Variants in HABP2 observed in about 807,000 individuals in gnomAD.
HABP2 encodes the protein hyaluronan binding protein 2.
Under a neutral mutation model 66.5 loss-of-function variants are expected in HABP2, and 65 were observed. The observed-to-expected ratio is 0.98, with a 90% CI of 0.80 to 1.20. The LOEUF (loss-of-function observed/expected upper bound fraction) is 1.20. HABP2 is among the 50% of genes most tolerant of loss of function. The pLI is 0.00. For missense variants in HABP2, 786 were observed against 691.0 expected (o/e 1.14, Z -1.54); for synonymous variants, 263 against 253.9 (o/e 1.04, Z -0.34).
At chr10:113,556,371 A>T (rs1233863139) in intron 1 of HABP2, among the ~76,000 whole-genome samples, 1 of 152,168 alleles carries the variant, frequency 6.6e-6, no homozygotes, top group African/African-American at 2.4e-5. Flanking sequence ...CATTGGGTTC[A>T]CATTCTTGGC....
intron 1 of HABP2, among the ~76,000 whole-genome samples, chr10:113,561,937 C>T (rs952105911): frequency 2.6e-5 from 4 of 152,186 alleles, no homozygotes; most frequent in Non-Finnish European, 5.9e-5. Context: ...CTCAGAGACT[C>T]GGGATCCTTT....
At chr10:113,564,842 A>ATC (rs1491300684) in intron 1 of HABP2, among the ~76,000 whole-genome samples, 1 of 139,640 alleles carries the variant, frequency 7.2e-6, no homozygotes, top group East Asian at 2.2e-4. Flanking sequence ...CTCACCACGC[A>ATC]TCTCTCTCTT....
At chr10:113,566,564 A>G (rs1845202116) in intron 1 of HABP2, among the ~76,000 whole-genome samples, 1 of 152,206 alleles carries the variant, frequency 6.6e-6, no homozygotes. Context: ...AAACAGACAA[A>G]ATCCCTGCCT....
In HABP2 at chr10:113,589,178, T is replaced by G; in HGVS notation, c.*809T>G. The G allele has an allele frequency of 1.1e-6, 1 of 916,594 alleles. No homozygotes were observed. The highest frequency in any genetic ancestry group is 1.6e-5 in the South Asian group (1 of 64,358). The allele number at this position is 916,594 out of a possible 1,614,324, so 56.8% of individuals were successfully genotyped here. ...ACACGCTAAGAAGCACAGGGAGCAT[T>G]TAACAGGCTCACCCTCCCTTTCCTT... is the stretch of plus-strand genomic sequence containing the variant. On this transcript the variant is annotated 3_prime_UTR_variant, in exon 13 of 13. Transcript: ENST00000351270.
rs1845576573 is a variant in HABP2 at position 113,583,375 on chromosome 10, T to C, written c.1237+17T>C. Reference sequence around the variant, plus strand: ...ATGATATTGGCAAGTTCCTCTTTCATGGCTTTCCTGAGGGTCTTGTCCTGG... The same window carrying C: ...ATGATATTGGCAAGTTCCTCTTTCACGGCTTTCCTGAGGGTCTTGTCCTGG... On this transcript the variant is annotated intron_variant, in intron 10 of 12. Coordinates refer to ENST00000351270, the MANE Select transcript of HABP2 (RefSeq NM_004132.5). 1.9e-6 allele frequency: 3 copies of C among 1,610,314 alleles called. No individual in the cohort carries two copies. Among genetic ancestry groups the C allele is most frequent in the African/African-American group, 1.3e-5 (1 of 74,886 alleles).
chr10:113,584,640 C>G (rs1184079637), intron 11 of HABP2, among the ~76,000 whole-genome samples: 6 of 152,188 alleles, frequency 3.9e-5, no homozygotes, highest in Admixed American at 2.6e-4. Context: ...GACTTTGTCA[C>G]TTGAACAACT....
intron 1 of HABP2, among the ~76,000 whole-genome samples, chr10:113,558,190 C>T (rs911879105): frequency 3.3e-5 from 5 of 152,216 alleles, no homozygotes; most frequent in Non-Finnish European, 7.3e-5. Flanking sequence ...TTTCCGACAC[C>T]ACAAGGATCG....
intron 12 of HABP2, 61 bp downstream of exon 12, chr10:113,585,999 A>AGCCCT: frequency 3.4e-6 from 5 of 1,471,262 alleles, no homozygotes; most frequent in Non-Finnish European, 3.8e-6. Context: ...CACTAGGCAG[A>AGCCCT]GGACCCTTAG....
chr10:113,567,712 T>C (rs1324240645), intron 2 of HABP2, among the ~76,000 whole-genome samples, 187 bp downstream of exon 2: 1 of 152,088 alleles, frequency 6.6e-6, no homozygotes, highest in African/African-American at 2.4e-5. Context: ...CAATTTTGAG[T>C]TTCCTGTGGA....
Position 113,575,971 on chromosome 10 carries a change from C to A in HABP2, c.298C>A (p.Leu100Met). 1 of 1,608,540 alleles carries A rather than the reference C, an allele frequency of 6.2e-7. No homozygotes were observed. Among genetic ancestry groups the A allele is most frequent in the Non-Finnish European group, 8.5e-7 (1 of 1,174,882 alleles). ...VHGSTFTCSCLAPFSGNKCQK... is the reference protein window; with the variant it reads ...VHGSTFTCSCMAPFSGNKCQK... Reference sequence around the variant, plus strand: ...TGGGAGCACCTTCACATGCAGCTGCCTGGCTCCTTTCTCTGGGAATAAGTG... The same window carrying A: ...TGGGAGCACCTTCACATGCAGCTGCATGGCTCCTTTCTCTGGGAATAAGTG... The change falls in exon 4 of 13, where the codon CTG becomes ATG. Residue 100 changes from leucine to methionine, a missense_variant. Coordinates refer to ENST00000351270, the MANE Select transcript of HABP2 (RefSeq NM_004132.5).
At chr10:113,574,205 G>A (rs1340610148) in intron 2 of HABP2, 84 bp from the exon 3 acceptor site, 1 of 736,832 alleles carries the variant, frequency 1.4e-6, no homozygotes, top group Non-Finnish European at 2.4e-6. Flanking sequence ...AATTCTTTGG[G>A]GAAAAGGTGT....
At chr10:113,576,657 C>G (rs750075371) in intron 4 of HABP2, among the ~76,000 whole-genome samples, 1 of 152,048 alleles carries the variant, frequency 6.6e-6, no homozygotes, top group Non-Finnish European at 1.5e-5. Flanking sequence ...GAAGTGGGGC[C>G]TTAGGTATAT....
In HABP2 at chr10:113,588,890, G is replaced by C; in HGVS notation, c.*521G>C. On this transcript the variant is annotated 3_prime_UTR_variant, in exon 13 of 13. Transcript: ENST00000351270. ...TGGGATGGGCTGGTGGGCCATTCCA[G>C]CTTGCCGAAATCAAAGCCATCTGAA... is the stretch of plus-strand genomic sequence containing the variant. 1 of 1,008,240 alleles carries C rather than the reference G, an allele frequency of 9.9e-7. No homozygotes were observed. Among genetic ancestry groups the C allele is most frequent in the South Asian group, 1.4e-5 (1 of 71,766 alleles). 62.5% of individuals were successfully genotyped at this position (1,008,240 alleles called of 1,614,324 possible).
At chr10:113,575,487 C>T (rs1051184618) in intron 3 of HABP2, among the ~76,000 whole-genome samples, 13 of 152,186 alleles carry the variant, frequency 8.5e-5, no homozygotes, top group African/African-American at 1.7e-4. Context: ...CTCCTGACCT[C>T]CACCCCTGGG....
At chr10:113,570,659 A>G (rs982862723) in intron 2 of HABP2, among the ~76,000 whole-genome samples, 1 of 152,228 alleles carries the variant, frequency 6.6e-6, no homozygotes. Flanking sequence ...TTTCTTTGCC[A>G]AGTACATTTG....
intron 7 of HABP2, among the ~76,000 whole-genome samples, chr10:113,579,519 G>C (rs1406066878): frequency 2.6e-5 from 4 of 152,346 alleles, no homozygotes; most frequent in African/African-American, 9.6e-5. Flanking sequence ...GCAAGTGGAA[G>C]GTCTGTTGAA....
At chr10:113,552,042 G>A (rs1248499973), upstream of HABP2, among the ~76,000 whole-genome samples, 4 of 152,144 alleles carry the variant, frequency 2.6e-5, no homozygotes, top group South Asian at 2.1e-4. Context: ...TGGTGACTGG[G>A]GCATTCTTTT....
At chr10:113,572,737 C>T (rs1461895382) in intron 2 of HABP2, 1 of 452,780 alleles carries the variant, frequency 2.2e-6, no homozygotes, top group Non-Finnish European at 4.4e-6. Context: ...AAAAGGTGGC[C>T]TCCCCTGGGA....
At position 113,578,031 on chromosome 10, in the gene HABP2, C is replaced by T. The variant is rs1845444454; in HGVS notation, c.454C>T (p.Pro152Ser). The change falls in exon 6 of 13, where the codon CCT (proline) becomes TCT (serine). Residue 152 changes from proline to serine, a missense_variant. By Grantham distance (74) the Pro-to-Ser change is moderately conservative. Coordinates refer to ENST00000351270, the MANE Select transcript of HABP2 (RefSeq NM_004132.5). The part of the protein sequence containing the change: ...YTGPSCSQVV[P>S]VCRPNPCQNG... ...CCCCATTCCTGTGTTCACAGTGGTTCCTGTATGCAGGCCAAACCCCTGCCA... is the reference window on the plus strand; with the variant it reads ...CCCCATTCCTGTGTTCACAGTGGTTTCTGTATGCAGGCCAAACCCCTGCCA... 1 of 1,614,080 alleles carries T rather than the reference C, an allele frequency of 6.2e-7. No homozygotes were observed. The highest frequency in any genetic ancestry group is 8.5e-7 in the Non-Finnish European group (1 of 1,179,998).
Sources: allele counts gnomAD v4.1 joint callset (sites outside exome capture counted in the v4.1 genomes callset), GRCh38; gene constraint gnomAD v4.1.1; transcripts MANE v1.5; gene names NCBI Gene and HGNC (gene_info 2026-07-23, HGNC 2026-07-21).